SLC44A5: variants seen among roughly 807,000 people sequenced by gnomAD.
The protein encoded by SLC44A5 is choline transporter-like protein 5.
SLC44A5 carries 57 observed loss-of-function variants against 101.8 expected under a neutral mutation model. The ratio of observed to expected loss-of-function variants is 0.56; its 90% CI spans 0.45 to 0.70. The LOEUF (loss-of-function observed/expected upper bound fraction) is 0.70, where lower values mean the gene tolerates loss of function less well. Ranked by LOEUF, SLC44A5 falls within the 30% of genes least tolerant of loss-of-function variation. The pLI is 0.00. For missense variants in SLC44A5, 737 were observed against 853.1 expected (o/e 0.86, Z 1.70); for synonymous variants, 281 against 290.9 (o/e 0.97, Z 0.35).
intron 3 of SLC44A5, among the ~76,000 whole-genome samples, chr1:75,383,507 A>C (rs1202984661): frequency 1.3e-5 from 2 of 152,242 alleles, no homozygotes; most frequent in Admixed American, 6.5e-5. Flanking sequence ...GTTTAGAGAA[A>C]AAAGAATAAA....
chr1:75,571,746 C>T (rs530251841), intron 1 of SLC44A5, among the ~76,000 whole-genome samples: 12 of 151,998 alleles, frequency 7.9e-5, no homozygotes, highest in South Asian at 4.2e-4. Flanking sequence ...TTTTGACTTA[C>T]GACATTTTCA....
chr1:75,483,334 T>C (rs1557835015), intron 2 of SLC44A5, among the ~76,000 whole-genome samples: 2 of 152,056 alleles, frequency 1.3e-5, no homozygotes, highest in African/African-American at 4.8e-5. Context: ...ATCAAAGTTC[T>C]AAACCTCAAA....
At chr1:75,618,932 T>G in the SLC44A5 span, among the ~76,000 whole-genome samples, 3 of 151,420 alleles carry the variant, frequency 2.0e-5, no homozygotes, top group African/African-American at 7.3e-5. Flanking sequence ...TAGCTGGGTG[T>G]GGTGGCAGGT....
intron 3 of SLC44A5, among the ~76,000 whole-genome samples, chr1:75,388,007 AC>A (rs1266939793): frequency 6.8e-6 from 1 of 146,172 alleles, no homozygotes; most frequent in Non-Finnish European, 1.5e-5. Flanking sequence ...TGGGAATTGA[AC>A]AATGAGATCA....
chr1:75,430,231 C>T (rs972169805), intron 2 of SLC44A5, among the ~76,000 whole-genome samples: 1 of 152,016 alleles, frequency 6.6e-6, no homozygotes, highest in Admixed American at 6.6e-5. Flanking sequence ...CTTCCCTTTC[C>T]ATCCCTTTTA....
chr1:75,476,193 GTA>G (rs551839853), intron 2 of SLC44A5, among the ~76,000 whole-genome samples: 3 of 149,814 alleles, frequency 2.0e-5, no homozygotes, highest in Admixed American at 2.0e-4. Flanking sequence ...AAAAAAAAAA[GTA>G]TATATATATA....
At chr1:75,302,993 G>A (rs550277517) in intron 4 of SLC44A5, among the ~76,000 whole-genome samples, 24 of 152,142 alleles carry the variant, frequency 1.6e-4, no homozygotes, top group African/African-American at 5.3e-4. Flanking sequence ...TGTGCATCAC[G>A]GATGGCCACA....
chr1:75,578,513 G>A lies in SLC44A5; in HGVS notation c.-70+32527C>T, dbSNP rs144568084. ...TCCTAATAAAACTGAAGTGCAGTGT[G>A]CTAAGTGAAGTAAGCCCAGCATAGA... On this transcript the variant is annotated intron_variant, in intron 1 of 23. Transcript: ENST00000370859. Among the ~76,000 whole-genome samples the A allele has an allele frequency of 5.7e-3, 868 of 152,256 alleles. 15 individuals are homozygous for A. The highest frequency in any genetic ancestry group is 0.035 in the Admixed American group (531 of 15,286).
intron 1 of SLC44A5, among the ~76,000 whole-genome samples, chr1:75,552,997 C>A (rs1672024350): frequency 6.6e-6 from 1 of 151,910 alleles, no homozygotes; most frequent in Non-Finnish European, 1.5e-5. Flanking sequence ...ATCAGGACAC[C>A]AGTTCAAAAA....
intron 2 of SLC44A5, among the ~76,000 whole-genome samples, chr1:75,467,164 A>G (rs1424630578): frequency 1.3e-5 from 2 of 152,184 alleles, no homozygotes; most frequent in East Asian, 3.8e-4. Flanking sequence ...TGAAACACTG[A>G]TGAAAGAAAT....
chr1:75,386,744 A>G (rs1171705305), intron 3 of SLC44A5, among the ~76,000 whole-genome samples: 1 of 151,324 alleles, frequency 6.6e-6, no homozygotes, highest in Admixed American at 6.6e-5. Context: ...AAGAGCCCGC[A>G]TCGCCAAGGC....
the SLC44A5 span, among the ~76,000 whole-genome samples, chr1:75,639,832 A>G: frequency 6.6e-6 from 1 of 151,942 alleles, no homozygotes; most frequent in Admixed American, 6.6e-5. Flanking sequence ...ATATCTCCTG[A>G]TATCTCTTAA....
the SLC44A5 span, among the ~76,000 whole-genome samples, chr1:75,618,620 C>T: frequency 2.6e-4 from 40 of 152,214 alleles, no homozygotes; most frequent in Non-Finnish European, 4.8e-4. Context: ...CTTAAACAAA[C>T]ATACATGGTA....
chr1:75,533,222 G>C (rs1399541111), intron 2 of SLC44A5, among the ~76,000 whole-genome samples: 1 of 152,078 alleles, frequency 6.6e-6, no homozygotes, highest in East Asian at 1.9e-4. Context: ...ATACAATTTA[G>C]CACTTAATTA....
At chr1:75,681,034 C>T in the SLC44A5 span, among the ~76,000 whole-genome samples, 1 of 150,886 alleles carries the variant, frequency 6.6e-6, no homozygotes, top group Non-Finnish European at 1.5e-5. Flanking sequence ...AATTCCTTGA[C>T]ACATACACTC....
intron 2 of SLC44A5, among the ~76,000 whole-genome samples, chr1:75,480,381 T>C (rs1315268724): frequency 1.3e-5 from 2 of 152,116 alleles, no homozygotes; most frequent in Non-Finnish European, 1.5e-5. Context: ...CTATTTAACA[T>C]AGTGTTGGAA....
chr1:75,240,082 T>C (rs1336712649), intron 9 of SLC44A5, among the ~76,000 whole-genome samples: 1 of 152,108 alleles, frequency 6.6e-6, no homozygotes, highest in Non-Finnish European at 1.5e-5. Context: ...TAGCTTTCAT[T>C]ACTAAATGTG....
intron 2 of SLC44A5, among the ~76,000 whole-genome samples, chr1:75,482,070 C>T (rs1667892453): frequency 1.3e-5 from 2 of 152,064 alleles, no homozygotes; most frequent in African/African-American, 2.4e-5. Flanking sequence ...CACATATACA[C>T]CATGGAATAC....
chr1:75,660,888 G>T, the SLC44A5 span, among the ~76,000 whole-genome samples: 1 of 151,878 alleles, frequency 6.6e-6, no homozygotes, highest in African/African-American at 2.4e-5. Flanking sequence ...CCATATTGTT[G>T]TTAAAATGTC....
Sources: allele counts gnomAD v4.1 joint callset (sites outside exome capture counted in the v4.1 genomes callset), GRCh38; gene constraint gnomAD v4.1.1; transcripts MANE v1.5; gene names NCBI Gene and HGNC (gene_info 2026-07-23, HGNC 2026-07-21).